The following SV2C variants were observed in gnomAD, a reference collection of about 807,000 sequenced individuals.
SV2C encodes solute carrier family 22 member B3.
Under a neutral mutation model 79.7 loss-of-function variants are expected in SV2C, and 49 were observed. The ratio of observed to expected loss-of-function variants is 0.61; its 90% CI spans 0.49 to 0.78. SV2C has a LOEUF of 0.78. Among genes scored for constraint, SV2C ranks in the 30% least tolerant of loss-of-function variants. SV2C has a pLI of 0.00. For synonymous variants in SV2C, 334 were observed against 333.2 expected (o/e 1.00, Z -0.03); for missense variants, 833 against 912.9 (o/e 0.91, Z 1.13).
the SV2C span, among the ~76,000 whole-genome samples, chr5:75,851,702 G>A: frequency 2.8e-4 from 42 of 152,112 alleles, no homozygotes; most frequent in Admixed American, 9.2e-4. Flanking sequence ...GTGCAGTGGC[G>A]CGATCTCGGC....
chr5:76,049,127 A>G, the SV2C span, among the ~76,000 whole-genome samples: 1 of 151,818 alleles, frequency 6.6e-6, no homozygotes, highest in Non-Finnish European at 1.5e-5. Context: ...CACGAGGTCA[A>G]GAGATGGAGA....
chr5:76,127,457 G>C (rs888979832), intron 1 of SV2C, among the ~76,000 whole-genome samples: 2 of 152,130 alleles, frequency 1.3e-5, no homozygotes, highest in African/African-American at 2.4e-5. Flanking sequence ...GATTCACTTC[G>C]CTGTGAACGT....
At chr5:76,300,357 A>G (rs1747945156) in intron 10 of SV2C, among the ~76,000 whole-genome samples, 1 of 152,022 alleles carries the variant, frequency 6.6e-6, no homozygotes, top group Admixed American at 6.6e-5. Flanking sequence ...TGTAGTATGG[A>G]CACTATTAGT....
the SV2C span, among the ~76,000 whole-genome samples, chr5:76,059,178 A>AT: frequency 6.6e-6 from 1 of 152,132 alleles, no homozygotes; most frequent in Non-Finnish European, 1.5e-5. Context: ...TTTTGTCTCA[A>AT]TGTTGATGGC....
intron 3 of SV2C, among the ~76,000 whole-genome samples, chr5:76,196,970 A>G (rs774940999): frequency 6.6e-6 from 1 of 152,232 alleles, no homozygotes; most frequent in Non-Finnish European, 1.5e-5. Flanking sequence ...TGTATTCTTG[A>G]TATTATCCTC....
chr5:76,135,107 C>T (rs1048788763), intron 2 of SV2C, among the ~76,000 whole-genome samples: 9 of 152,174 alleles, frequency 5.9e-5, no homozygotes, highest in African/African-American at 2.2e-4. Context: ...AGAGCTACTC[C>T]AGAGGTAGAG....
chr5:76,028,989 G>A, the SV2C span, among the ~76,000 whole-genome samples: 2 of 152,206 alleles, frequency 1.3e-5, no homozygotes, highest in Admixed American at 6.5e-5. Context: ...CCAGCACTCA[G>A]GAGAATGCAA....
chr5:75,931,082 G>A, the SV2C span, among the ~76,000 whole-genome samples: 5 of 152,286 alleles, frequency 3.3e-5, no homozygotes, highest in Admixed American at 1.3e-4. Flanking sequence ...GCAGTGAGCC[G>A]AGATTGTGCC....
rs143745511 is a variant in SV2C at position 76,218,573 on chromosome 5, G to A, written c.913+8686G>A. On this transcript the variant is annotated intron_variant, in intron 4 of 12. Transcript: ENST00000502798. ...TGAACAATGAGAACACATGGACACA[G>A]GGAGGGGAACATCATACACCAAGGC... Among the ~76,000 whole-genome samples, 684 of 152,298 alleles carry A rather than the reference G, an allele frequency of 4.5e-3. 3 individuals carry two copies. Among genetic ancestry groups the A allele is most frequent in the Non-Finnish European group, 6.2e-3 (422 of 68,020 alleles).
At chr5:75,976,293 T>TTC in the SV2C span, among the ~76,000 whole-genome samples, 1 of 151,494 alleles carries the variant, frequency 6.6e-6, no homozygotes, top group Admixed American at 6.6e-5. Context: ...CTCTCTCTCT[T>TTC]TCTCTCTCTC....
At chr5:75,948,827 A>AT in the SV2C span, among the ~76,000 whole-genome samples, 149 of 152,106 alleles carry the variant, frequency 9.8e-4, 1 homozygote, top group Non-Finnish European at 1.2e-3. Flanking sequence ...GATAAGAACA[A>AT]TGGTATACAG....
At chr5:76,303,092 A>C (rs1414323237) in intron 12 of SV2C, among the ~76,000 whole-genome samples, 1 of 151,950 alleles carries the variant, frequency 6.6e-6, no homozygotes, top group South Asian at 2.1e-4. Context: ...CCCTCCATCC[A>C]TCTCCCTGCA....
chr5:75,933,681 G>A, the SV2C span, among the ~76,000 whole-genome samples: 1 of 152,182 alleles, frequency 6.6e-6, no homozygotes, highest in Admixed American at 6.5e-5. Context: ...CATGCAGCAG[G>A]AACCATCTTG....
the SV2C span, among the ~76,000 whole-genome samples, chr5:76,059,178 A>T: frequency 6.6e-6 from 1 of 152,250 alleles, no homozygotes. Context: ...TTTTGTCTCA[A>T]TGTTGATGGC....
At chr5:75,920,646 GT>G in the SV2C span, 22 of 629,986 alleles carry the variant, frequency 3.5e-5, no homozygotes, top group African/African-American at 3.7e-4. Flanking sequence ...GTGGTGGGGG[GT>G]GGGTGGGAGG....
chr5:75,885,528 G>A, the SV2C span, among the ~76,000 whole-genome samples: 1 of 152,060 alleles, frequency 6.6e-6, no homozygotes, highest in Non-Finnish European at 1.5e-5. Context: ...TGAGAAGCAA[G>A]AAAAATCAAT....
intron 2 of SV2C, among the ~76,000 whole-genome samples, chr5:76,135,130 T>C (rs1306145288): frequency 2.0e-5 from 3 of 152,244 alleles, no homozygotes; most frequent in Non-Finnish European, 4.4e-5. Context: ...AGCAAGGATT[T>C]GCTCATTGAT....
At chr5:76,011,599 T>A in the SV2C span, among the ~76,000 whole-genome samples, 1 of 152,132 alleles carries the variant, frequency 6.6e-6, no homozygotes, top group African/African-American at 2.4e-5. Flanking sequence ...ATACTTTTCC[T>A]GTTTTTGTTT....
At chr5:76,090,221 T>C (rs1256368927) in intron 1 of SV2C, among the ~76,000 whole-genome samples, 3 of 152,228 alleles carry the variant, frequency 2.0e-5, no homozygotes, top group Non-Finnish European at 4.4e-5. Context: ...GCTTCACGTT[T>C]AGAAGAATGC....
Sources: gnomAD v4.1 joint callset for allele counts (sites outside exome capture counted in the v4.1 genomes callset) on GRCh38, gnomAD v4.1.1 for gene constraint, MANE v1.5 for transcripts, NCBI Gene and HGNC (gene_info 2026-07-23, HGNC 2026-07-21) for gene names.